The following XNDC1N variants were observed in gnomAD, a reference collection of about 807,000 sequenced individuals.
XNDC1N encodes the protein XRCC1 N-terminal domain containing 1, N-terminal like.
chr11:71,880,124 T>G, the XNDC1N span, among the ~76,000 whole-genome samples: 2,138 of 152,206 alleles, frequency 0.014, 26 homozygotes, highest in Admixed American at 0.026. Context: ...AAATGTGCTC[T>G]GAGGTAACAT....
chr11:71,871,751 G>C, the XNDC1N span, among the ~76,000 whole-genome samples: 1,211 of 147,462 alleles, frequency 8.2e-3, no homozygotes, highest in African/African-American at 0.027. Context: ...GGCATAAACA[G>C]ATGAAAAGAT....
the XNDC1N span, among the ~76,000 whole-genome samples, chr11:71,880,709 T>C: frequency 6.6e-6 from 1 of 152,224 alleles, no homozygotes; most frequent in African/African-American, 2.4e-5. Flanking sequence ...GTATGTTGTG[T>C]TTCCATTTGC....
the XNDC1N span, among the ~76,000 whole-genome samples, chr11:71,873,263 T>C: frequency 0.19 from 28,430 of 151,918 alleles, 4,854 homozygotes; most frequent in African/African-American, 0.45. Context: ...ATAAATGTCC[T>C]TTTTTATACC....
At chr11:71,917,295 T>C in the XNDC1N span, 1 of 678,060 alleles carries the variant, frequency 1.5e-6, no homozygotes, top group Non-Finnish European at 2.7e-6. Context: ...ATTACAGGCA[T>C]GAGCCACCAC....
the XNDC1N span, among the ~76,000 whole-genome samples, chr11:71,902,470 C>T: frequency 3.3e-5 from 5 of 152,212 alleles, no homozygotes; most frequent in African/African-American, 9.7e-5. Context: ...GGATTACCGG[C>T]GTGAGCCACC....
chr11:71,922,059 C>A, the XNDC1N span, among the ~76,000 whole-genome samples: 1 of 152,128 alleles, frequency 6.6e-6, no homozygotes, highest in Admixed American at 6.6e-5. Context: ...ACACAGGAGG[C>A]TGAGGCAGGA....
At chr11:71,873,647 G>T in the XNDC1N span, among the ~76,000 whole-genome samples, 1 of 152,120 alleles carries the variant, frequency 6.6e-6, no homozygotes, top group Non-Finnish European at 1.5e-5. Flanking sequence ...AGGCTATGAG[G>T]TAGAAATGAG....
At chr11:71,892,413 C>A in the XNDC1N span, among the ~76,000 whole-genome samples, 30 of 152,040 alleles carry the variant, frequency 2.0e-4, no homozygotes, top group South Asian at 8.3e-4. Flanking sequence ...GGGTGTACAC[C>A]CACTGTATTA....
the XNDC1N span, chr11:71,923,277 A>C: frequency 2.8e-6 from 2 of 702,410 alleles, no homozygotes; most frequent in Non-Finnish European, 5.2e-6. Context: ...TCAGTTATTA[A>C]GAAAACAAAT....
At chr11:71,926,942 T>C in the XNDC1N span, among the ~76,000 whole-genome samples, 1 of 149,176 alleles carries the variant, frequency 6.7e-6, no homozygotes, top group Non-Finnish European at 1.5e-5. Flanking sequence ...TAAAATAAAA[T>C]AAAAGACAAA....
the XNDC1N span, among the ~76,000 whole-genome samples, chr11:71,900,705 C>CATGA: frequency 6.6e-6 from 1 of 152,212 alleles, no homozygotes; most frequent in Non-Finnish European, 1.5e-5. Flanking sequence ...ACCATGGCAT[C>CATGA]ATGAACCCTT....
chr11:71,910,219 G>A, the XNDC1N span, among the ~76,000 whole-genome samples: 9 of 152,158 alleles, frequency 5.9e-5, no homozygotes, highest in Admixed American at 2.6e-4. Flanking sequence ...CAGGATTTGC[G>A]CTTGCTTCAT....
At chr11:71,905,725 T>C in the XNDC1N span, among the ~76,000 whole-genome samples, 1 of 152,034 alleles carries the variant, frequency 6.6e-6, no homozygotes, top group Non-Finnish European at 1.5e-5. Context: ...GTGTACCCTC[T>C]GTGGGATATT....
the XNDC1N span, chr11:71,903,059 G>A: frequency 2.0e-6 from 1 of 503,372 alleles, no homozygotes; most frequent in Non-Finnish European, 3.7e-6. Context: ...AGTGTGGATT[G>A]CTCTGAAATC....
chr11:71,892,052 G>C, the XNDC1N span, among the ~76,000 whole-genome samples: 1 of 152,026 alleles, frequency 6.6e-6, no homozygotes, highest in East Asian at 1.9e-4. Context: ...TCACAGGGGG[G>C]TGTACAACTT....
chr11:71,871,895 C>T, the XNDC1N span, among the ~76,000 whole-genome samples: 2 of 151,984 alleles, frequency 1.3e-5, no homozygotes, highest in Non-Finnish European at 2.9e-5. Flanking sequence ...AAATGAGGGC[C>T]CTTTACAATG....
the XNDC1N span, among the ~76,000 whole-genome samples, chr11:71,913,508 A>T: frequency 6.6e-6 from 1 of 151,794 alleles, no homozygotes; most frequent in Non-Finnish European, 1.5e-5. Flanking sequence ...CTAATACAAA[A>T]ATTAGCCGGG....
chr11:71,928,228 C>G, the XNDC1N span: 1 of 541,330 alleles, frequency 1.8e-6, no homozygotes. Flanking sequence ...CTCTTCAGCT[C>G]TCAGTTTCGG....
At chr11:71,888,643 GC>G in the XNDC1N span, among the ~76,000 whole-genome samples, 2 of 152,182 alleles carry the variant, frequency 1.3e-5, no homozygotes, top group South Asian at 2.1e-4. Flanking sequence ...CTAAAGGATG[GC>G]CCCCCTGTTG....
Sources: gnomAD v4.1 joint callset for allele counts (sites outside exome capture counted in the v4.1 genomes callset) on GRCh38, gnomAD v4.1.1 for gene constraint, MANE v1.5 for transcripts, NCBI Gene and HGNC (gene_info 2026-07-23, HGNC 2026-07-21) for gene names.